The following USP35 variants were observed in gnomAD, a reference collection of about 807,000 sequenced individuals.
USP35 encodes the protein ubiquitin carboxyl-terminal hydrolase 35.
USP35 carries 69 observed loss-of-function variants against 83.8 expected under a neutral mutation model. The ratio of observed to expected loss-of-function variants is 0.82; its 90% CI spans 0.68 to 1.01. USP35 has a LOEUF of 1.01. Among genes scored for constraint, USP35 ranks in the 50% least tolerant of loss-of-function variants. The pLI, the probability that USP35 is intolerant of heterozygous loss-of-function variation, is 0.00. For missense variants in USP35, 1,503 were observed against 1,362.5 expected, an observed-to-expected ratio of 1.10 and a Z score of -1.62; for synonymous variants, 714 against 589.5, an observed-to-expected ratio of 1.21 and a Z score of -3.06.
chr11:78,226,731 A>T, the USP35 span: 1 of 1,613,866 alleles, frequency 6.2e-7, no homozygotes, highest in Non-Finnish European at 8.5e-7. Flanking sequence ...CGGAACATCC[A>T]TATTGTCTAC....
intron 9 of USP35, among the ~76,000 whole-genome samples, 189 bp from the exon 10 acceptor site, chr11:78,209,259 G>T (rs989220680): frequency 6.6e-6 from 1 of 151,228 alleles, no homozygotes. Context: ...TATGTAGGGC[G>T]TGTGGGTGAG....
chr11:78,233,117 G>T, the USP35 span, among the ~76,000 whole-genome samples: 1 of 145,406 alleles, frequency 6.9e-6, no homozygotes, highest in Non-Finnish European at 1.5e-5. Flanking sequence ...TCAGCTCACT[G>T]CAACCTCCGC....
Position 78,210,951 on chromosome 11 carries a change from A to AT in USP35, c.2889+213dup, listed in dbSNP as rs1355405815. 3.3e-5 allele frequency among the ~76,000 whole-genome samples: 5 copies of AT among 152,304 alleles called. 1 individual carries two copies. Among genetic ancestry groups the AT allele is most frequent in the African/African-American group, 1.2e-4 (5 of 41,556 alleles). ...CACTGAGTAATGAATGACGCAGTTT[A>AT]TTTTTTAAGTTCCAGGGTACATGTG... On this transcript the variant is annotated intron_variant, in intron 10 of 10. Transcript: ENST00000529308.
chr11:78,221,632 A>C, the USP35 span: 1 of 1,227,066 alleles, frequency 8.1e-7, no homozygotes, highest in South Asian at 1.3e-5. Flanking sequence ...GGTGGGTCCC[A>C]GGGGACTTGA....
chr11:78,198,052 C>T lies in USP35; in HGVS notation c.790C>T (p.Leu264=). 6.2e-7 allele frequency: 1 copy of T among 1,614,238 alleles called. No homozygotes were observed. Among genetic ancestry groups the T allele is most frequent in the Non-Finnish European group, 8.5e-7 (1 of 1,180,042 alleles). Residue 264 remains leucine (L), a synonymous_variant, in exon 3 of 11, where the codon CTG becomes TTG. Transcript: ENST00000529308. ...NDDSVTDSQM[L]TAISRMIDWV... is the part of the protein sequence containing the mutation. ...TGACAGTGTGACAGACTCGCAGATG[C>T]TGACTGCCATTAGCAGGTGGGACGC...
chr11:78,218,776 T>G (rs1267988442), downstream of USP35: 1 of 153,750 alleles, frequency 6.5e-6, no homozygotes, highest in Non-Finnish European at 1.5e-5. Context: ...AAAACAGGAA[T>G]GAAAAAGTCC....
At chr11:78,223,680 G>A in the USP35 span, 1 of 1,589,570 alleles carries the variant, frequency 6.3e-7, no homozygotes, top group South Asian at 1.1e-5. Context: ...TCCCTGGCTA[G>A]GGAGAGGAAC....
At chr11:78,216,026 G>A (rs970366639), downstream of USP35, 6 of 152,654 alleles carry the variant, frequency 3.9e-5, no homozygotes, top group African/African-American at 1.4e-4. Flanking sequence ...CAAGCTAGGA[G>A]GGGACTGGGG....
At chr11:78,229,102 G>T in the USP35 span, among the ~76,000 whole-genome samples, 1 of 152,190 alleles carries the variant, frequency 6.6e-6, no homozygotes, top group African/African-American at 2.4e-5. Context: ...TCAAGTAGGG[G>T]TGAGTATGTA....
chr11:78,199,722 A>G lies in USP35; in HGVS notation c.934A>G (p.Lys312Glu), dbSNP rs1863278231. Reference protein sequence around the residue: ...LIEVSLTKIEKVFSKLLYPIV... With the variant: ...LIEVSLTKIEEVFSKLLYPIV... The stretch of plus-strand genomic sequence containing the variant: ...CGAGGTTTCGCTCACCAAAATTGAG[A>G]AGGTTGGTGCCCCTGTCCTAGCCCA... The change falls in exon 4 of 11, where the codon AAG (lysine) becomes GAG (glutamate). Residue 312 changes from lysine to glutamate, a missense_variant and splice_region_variant. Coordinates refer to ENST00000529308, the MANE Select transcript of USP35 (RefSeq NM_020798.4). The G allele has an allele frequency of 1.1e-5, 18 of 1,613,944 alleles. No homozygotes were observed. The highest frequency in any genetic ancestry group is 1.4e-5 in the Non-Finnish European group (17 of 1,179,988).
chr11:78,222,054 T>G, the USP35 span: 1 of 1,210,306 alleles, frequency 8.3e-7, no homozygotes, highest in Non-Finnish European at 1.2e-6. Context: ...CATCACTCAT[T>G]TTCCCTAATG....
the USP35 span, chr11:78,223,792 AG>A: frequency 2.3e-6 from 2 of 880,068 alleles, no homozygotes; most frequent in Non-Finnish European, 1.7e-6. Flanking sequence ...TATACTTTGA[AG>A]CTGTAAGGGA....
At chr11:78,221,249 A>G in the USP35 span, among the ~76,000 whole-genome samples, 2 of 152,314 alleles carry the variant, frequency 1.3e-5, no homozygotes, top group African/African-American at 4.8e-5. Context: ...CTTAATGGAA[A>G]TCTCAGGGAA....
At chr11:78,235,798 T>C in the USP35 span, among the ~76,000 whole-genome samples, 2 of 152,184 alleles carry the variant, frequency 1.3e-5, no homozygotes, top group African/African-American at 4.8e-5. Flanking sequence ...CACAAGTCTC[T>C]AGGAAGTTCC....
At chr11:78,215,721 C>G (rs1345489469), downstream of USP35, 2 of 152,370 alleles carry the variant, frequency 1.3e-5, no homozygotes, top group Non-Finnish European at 2.9e-5. Context: ...GGCAGGTACC[C>G]CATTGTGGTC....
At chr11:78,201,675 A>T (rs1244789676) in intron 6 of USP35, among the ~76,000 whole-genome samples, 1 of 152,088 alleles carries the variant, frequency 6.6e-6, no homozygotes, top group Non-Finnish European at 1.5e-5. Flanking sequence ...ACTTGAGATT[A>T]TTTTCCTGTA....
At chr11:78,205,766 C>T in intron 6 of USP35, 76 bp from the exon 7 acceptor site, 1 of 1,515,698 alleles carries the variant, frequency 6.6e-7, no homozygotes, top group Non-Finnish European at 8.9e-7. Flanking sequence ...CTGAGAAGGC[C>T]TCCCAGAAGA....
chr11:78,196,231 C>T lies in USP35; in HGVS notation c.-10-5C>T, dbSNP rs764919937. ...GGCTGTGACCTCATTCCCTGTCCTC[C>T]GCAGCGCGGGCGCCATGGACAAGAT... On this transcript the variant is annotated splice_region_variant and splice_polypyrimidine_tract_variant and intron_variant, in intron 1 of 10. Coordinates refer to ENST00000529308, the MANE Select transcript of USP35 (RefSeq NM_020798.4). This position sits in a 1 kb window ranked among gnomAD's most constrained non-coding sequence, Gnocchi z 4.8. 6 of 1,581,560 alleles carry T rather than the reference C, an allele frequency of 3.8e-6. No individual in the cohort carries two copies. Among genetic ancestry groups the T allele is most frequent in the East Asian group, 2.3e-5 (1 of 42,590 alleles).
At chr11:78,219,063 T>C (rs114272688), downstream of USP35, 2,189 of 550,568 alleles carry the variant, frequency 4.0e-3, 39 homozygotes, top group African/African-American at 0.033. Flanking sequence ...AAATCACAGC[T>C]GGGCCCCGAG....
Sources: gnomAD v4.1 joint callset for allele counts (sites outside exome capture counted in the v4.1 genomes callset) on GRCh38, gnomAD v4.1.1 for gene constraint, Gnocchi (gnomAD v3.1) non-coding constraint, MANE v1.5 for transcripts, NCBI Gene and HGNC (gene_info 2026-07-23, HGNC 2026-07-21) for gene names.